SH3BP1: variants seen among roughly 807,000 people sequenced by gnomAD.
SH3BP1 encodes SH3 domain binding protein 1.
In SH3BP1, 46 loss-of-function variants were observed where a neutral mutation model predicts 69.8. The ratio of observed to expected loss-of-function variants is 0.66; its 90% confidence interval spans 0.52 to 0.84. The LOEUF (loss-of-function observed/expected upper bound fraction) is 0.84, where lower values mean the gene tolerates loss of function less well. SH3BP1 is among the 40% of genes least tolerant of loss of function. SH3BP1 has a pLI of 0.00. For missense variants in SH3BP1, 868 were observed against 930.9 expected (o/e 0.93, Z 0.88); for synonymous variants, 403 against 378.0 (o/e 1.07, Z -0.77).
In SH3BP1 at chr22:37,646,882, ACCCCCACAG is replaced by A. The variant is rs1932794323; in HGVS notation, c.992_1000del (p.Pro331_Ser333del). ...CGTCTCAAGCAGACAATGGCCTCGG[ACCCCCACAG>A]CCTGGAGGAGTTCTGCTCCGACCCG... On this transcript the variant is annotated inframe_deletion, in exon 11 of 18. Coordinates refer to ENST00000649765, the MANE Select transcript of SH3BP1 (RefSeq NM_018957.6). 1.3e-6 allele frequency: 2 copies of A among 1,562,974 alleles called. No homozygotes were observed. The highest frequency in any genetic ancestry group is 1.7e-6 in the Non-Finnish European group (2 of 1,157,044).
In SH3BP1 at chr22:37,655,534, C is replaced by T; in HGVS notation, c.1956C>T (p.Pro652=). The change falls in exon 18 of 18, where the codon CCC becomes CCT. Residue 652 remains proline, a synonymous_variant. Transcript: ENST00000649765. The part of the protein sequence containing the change: ...PSPASPGPAS[P]SPVSLSNPAQ... ...CGGCCTCCCCAGGTCCAGCCTCCCC[C>T]AGCCCAGTCTCTTTGAGTAACCCTG... The T allele has an allele frequency of 6.3e-7, 1 of 1,591,224 alleles. No individual in the cohort carries two copies. Among genetic ancestry groups the T allele is most frequent in the Non-Finnish European group, 8.5e-7 (1 of 1,170,206 alleles).
intron 7 of SH3BP1, among the ~76,000 whole-genome samples, chr22:37,644,199 G>A (rs1265028330): frequency 1.3e-5 from 2 of 152,140 alleles, no homozygotes; most frequent in African/African-American, 2.4e-5. Context: ...CCAACATGGT[G>A]AAACCCTGTC....
Position 37,647,351 on chromosome 22 carries a change from G to A in SH3BP1, c.1118+3G>A. On this transcript the variant is annotated splice_donor_region_variant and intron_variant, in intron 12 of 17. Coordinates refer to ENST00000649765, the MANE Select transcript of SH3BP1 (RefSeq NM_018957.6). ...GATGACTGGATGAGGGCAGCCAGGT[G>A]AGGATGTTGGAGGAGGGAGGGGATG... The A allele has an allele frequency of 6.2e-7, 1 of 1,614,028 alleles. No individual in the cohort carries two copies. Among genetic ancestry groups the A allele is most frequent in the Non-Finnish European group, 8.5e-7 (1 of 1,179,912 alleles).
Position 37,650,221 on chromosome 22 carries a change from C to G in SH3BP1, c.1386C>G (p.Ile462Met). The change falls in exon 15 of 18, where the codon ATC becomes ATG. Residue 462 changes from isoleucine to methionine, a missense_variant. By Grantham distance (10) the Ile-to-Met change is conservative (BLOSUM62 1). Coordinates refer to ENST00000649765, the MANE Select transcript of SH3BP1 (RefSeq NM_018957.6). ...IQVVGVVEAL[I>M]QSADTLFPGD... ...TGGTGGGCGTCGTCGAGGCGCTGAT[C>G]CAGAGCGCAGACACCCTCTTCCCTG... 6.2e-7 allele frequency: 1 copy of G among 1,612,784 alleles called. No individual in the cohort carries two copies. The highest frequency in any genetic ancestry group is 8.5e-7 in the Non-Finnish European group (1 of 1,179,444).
In SH3BP1 at chr22:37,645,383, C is replaced by T; in HGVS notation, c.797C>T (p.Thr266Ile). Reference protein sequence around the residue: ...HGQADHSPSMTATHFPRVYGV... With the variant: ...HGQADHSPSMIATHFPRVYGV... ...CCTGCAGACCACTCCCCTTCGATGA[C>T]AGCCACCCACTTCCCCAGGGTGTAT... The change falls in exon 10 of 18, where the codon ACA (threonine) becomes ATA (isoleucine). Residue 266 changes from threonine (T) to isoleucine (I), a missense_variant. Transcript: ENST00000649765. 1.2e-6 allele frequency: 2 copies of T among 1,610,522 alleles called. No homozygotes were observed. Among genetic ancestry groups the T allele is most frequent in the Non-Finnish European group, 1.7e-6 (2 of 1,177,092 alleles).
chr22:37,647,839 C>T (rs1932811479), intron 13 of SH3BP1, among the ~76,000 whole-genome samples: 1 of 152,084 alleles, frequency 6.6e-6, no homozygotes, highest in Admixed American at 6.6e-5. Context: ...TCACACTCGG[C>T]TAATTTTTGT....
In SH3BP1 at chr22:37,653,830, T is replaced by A. The variant is rs756817806; in HGVS notation, c.1650T>A (p.Ser550Arg). ...CAGCCTCCCCCAAGGTCACCAGGAG[T>A]CCCCCGGAGACAGCTGCCCCAGTGG... The part of the protein sequence containing the change: ...PRPASPKVTR[S>R]PPETAAPVED... Residue 550 changes from serine (S) to arginine (R), a missense_variant, in exon 17 of 18, where the codon AGT becomes AGA. Ser to Arg is a moderately radical substitution (Grantham distance 110, BLOSUM62 -1). This residue lies in a region of SH3BP1 where 474 missense variants were observed against 462.3 expected (regional missense o/e 1.03). Transcript: ENST00000649765. The A allele has an allele frequency of 6.7e-7, 1 of 1,494,072 alleles. No homozygotes were observed. The highest frequency in any genetic ancestry group is 9.0e-7 in the Non-Finnish European group (1 of 1,108,200). 92.6% of individuals were successfully genotyped at this position (1,494,072 alleles called of 1,614,324 possible).
chr22:37,648,072 G>A (rs1932815019), intron 13 of SH3BP1, among the ~76,000 whole-genome samples: 1 of 152,238 alleles, frequency 6.6e-6, no homozygotes, highest in South Asian at 2.1e-4. Context: ...CTCTGGGCAG[G>A]CCACTCAGCG....
chr22:37,646,365 T>TCTC (rs1569007946), intron 10 of SH3BP1, among the ~76,000 whole-genome samples: 2 of 151,812 alleles, frequency 1.3e-5, no homozygotes, highest in African/African-American at 4.8e-5. Context: ...TTCAAGCGAT[T>TCTC]GTGTCTCAGC....
chr22:37,642,970 G>C lies in SH3BP1; in HGVS notation c.360G>C (p.Glu120Asp), dbSNP rs756514929. ...TGGCCGAGTTTGAGATGACCCTGGA[G>C]AGGGACGTCCTGCAGCCACTCAGCA... ...RILAEFEMTL[E>D]RDVLQPLSRL... The change falls in exon 5 of 18, where the codon GAG (glutamate) becomes GAC (aspartate). Residue 120 changes from glutamate to aspartate, a missense_variant. Glu to Asp is a conservative substitution (Grantham distance 45). Coordinates refer to ENST00000649765, the MANE Select transcript of SH3BP1 (RefSeq NM_018957.6). The C allele has an allele frequency of 6.2e-7, 1 of 1,612,832 alleles. No individual in the cohort carries two copies. The highest frequency in any genetic ancestry group is 8.5e-7 in the Non-Finnish European group (1 of 1,179,986).
At position 37,655,530 on chromosome 22, in the gene SH3BP1, C is replaced by A. The variant is rs745511464; in HGVS notation, c.1952C>A (p.Ser651Tyr). ...AGCCCGGCCTCCCCAGGTCCAGCCT[C>A]CCCCAGCCCAGTCTCTTTGAGTAAC... ...SPSPASPGPASPSPVSLSNPA... is the reference protein window; with the variant it reads ...SPSPASPGPAYPSPVSLSNPA... Residue 651 changes from serine to tyrosine, a missense_variant, in exon 18 of 18, where the codon TCC (serine) becomes TAC (tyrosine). Physicochemically the swap from Ser to Tyr is moderately radical, Grantham distance 144. Around this residue, in one of 3 missense-constraint regions of SH3BP1, gnomAD observed 474 missense variants for 462.3 expected, o/e 1.03. Coordinates refer to ENST00000649765, the MANE Select transcript of SH3BP1 (RefSeq NM_018957.6). 1 of 1,588,978 alleles carries A rather than the reference C, an allele frequency of 6.3e-7. No homozygotes were observed. Among genetic ancestry groups the A allele is most frequent in the Non-Finnish European group, 8.6e-7 (1 of 1,169,258 alleles).
chr22:37,640,745 T>G (rs1211104089), intron 1 of SH3BP1: 5 of 278,730 alleles, frequency 1.8e-5, no homozygotes, highest in African/African-American at 9.1e-5. Context: ...CTCCTGCACT[T>G]CCCGTTCTTG....
In SH3BP1 at chr22:37,656,053, CA is replaced by C; in HGVS notation, c.*372del. Reference sequence around the variant, plus strand: ...TTTGGACAAAACTGGAGCAGCTGCCCAAATGATAGTTTTATTTTCTGTCCTT... The same window carrying C: ...TTTGGACAAAACTGGAGCAGCTGCCCAATGATAGTTTTATTTTCTGTCCTT... On this transcript the variant is annotated 3_prime_UTR_variant, in exon 18 of 18. Transcript: ENST00000649765. The C allele has an allele frequency of 7.3e-7, 1 of 1,374,698 alleles. No homozygotes were observed. Among genetic ancestry groups the C allele is most frequent in the South Asian group, 1.2e-5 (1 of 86,020 alleles). The allele number at this position is 1,374,698 out of a possible 1,614,324, so 85.2% of individuals were successfully genotyped here.
At chr22:37,641,527 C>T in intron 3 of SH3BP1, 49 bp downstream of exon 3, 1 of 1,452,208 alleles carries the variant, frequency 6.9e-7, no homozygotes, top group Non-Finnish European at 9.3e-7. Flanking sequence ...AGACTTCCAT[C>T]CAATGGGGAA....
Position 37,655,437 on chromosome 22 carries a change from CACCCCCGTT to C in SH3BP1, c.1866_1874del (p.Leu623_Pro625del). 7.6e-7 allele frequency: 1 copy of C among 1,319,892 alleles called. No homozygotes were observed. Among genetic ancestry groups the C allele is most frequent in the Non-Finnish European group, 1.0e-6 (1 of 971,572 alleles). 81.8% of individuals were successfully genotyped at this position (1,319,892 alleles called of 1,614,324 possible). On this transcript the variant is annotated inframe_deletion, in exon 18 of 18. Transcript: ENST00000649765. ...AGCAGCCTCCGAGCCCCCACAGTGC[CACCCCCGTT>C]ACCCCCCACACCCCCTCAGCCTGCC...
intron 16 of SH3BP1, among the ~76,000 whole-genome samples, chr22:37,652,496 GCA>G (rs1043166773): frequency 6.6e-6 from 1 of 152,010 alleles, no homozygotes; most frequent in Non-Finnish European, 1.5e-5. Flanking sequence ...TTGTGCCATT[GCA>G]CTCAGCCTGG....
Position 37,641,112 on chromosome 22 carries a change from A to ACCCCCC in SH3BP1, c.60-12_60-11insCCCCCC. On this transcript the variant is annotated splice_polypyrimidine_tract_variant and intron_variant, in intron 1 of 17. Transcript: ENST00000649765. ...CAGAAGCACTCTCCCCCCCCCCCCC[A>ACCCCCC]CCACTCCCCGCAGCACCCCGGAGAC... 3.0e-6 allele frequency: 2 copies of ACCCCCC among 666,788 alleles called. No homozygotes were observed. The highest frequency in any genetic ancestry group is 4.3e-6 in the Non-Finnish European group (2 of 462,264). 41.3% of individuals were successfully genotyped at this position (666,788 alleles called of 1,614,324 possible).
chr22:37,642,726 G>T (rs1481250317), intron 4 of SH3BP1, 111 bp downstream of exon 4: 8 of 1,605,600 alleles, frequency 5.0e-6, no homozygotes, highest in Non-Finnish European at 5.9e-6. Context: ...CCAGGCTGGG[G>T]ACAGTTCCCA....
rs73422755 is a variant in SH3BP1 at position 37,650,228 on chromosome 22, G to A, written c.1393G>A (p.Ala465Thr). Residue 465 changes from alanine to threonine, a missense_variant, in exon 15 of 18, where the codon GCA becomes ACA. Ala to Thr is a moderately conservative substitution (Grantham distance 58). Transcript: ENST00000649765. ...VGVVEALIQS[A>T]DTLFPGDINF... ...CGTCGTCGAGGCGCTGATCCAGAGC[G>A]CAGACACCCTCTTCCCTGGAGGTGA... The A allele has an allele frequency of 7.0e-4, 1,126 of 1,611,736 alleles. 10 individuals carry two copies. The African/African-American group carries it at 0.013, about 19-fold the overall frequency.
Sources: gnomAD v4.1 joint callset for allele counts (sites outside exome capture counted in the v4.1 genomes callset) on GRCh38, gnomAD v4.1.1 for gene constraint, gnomAD v4.1.1 regional missense constraint, MANE v1.5 for transcripts, NCBI Gene and HGNC (gene_info 2026-07-23, HGNC 2026-07-21) for gene names.